Variants in SAMTOR observed in about 807,000 individuals in gnomAD.
The protein encoded by SAMTOR is S-adenosylmethionine sensor upstream of mTORC1, also known as UPF0532 protein C7orf60.
At chr7:112,895,180 A>G in the SAMTOR span, among the ~76,000 whole-genome samples, 733 of 151,690 alleles carry the variant, frequency 4.8e-3, 3 homozygotes, top group Non-Finnish European at 8.6e-3. Flanking sequence ...AGAATTACAT[A>G]TTGTTATATA....
At chr7:112,852,826 T>C in the SAMTOR span, among the ~76,000 whole-genome samples, 2 of 152,078 alleles carry the variant, frequency 1.3e-5, no homozygotes, top group Non-Finnish European at 2.9e-5. Flanking sequence ...GTGTGTCATA[T>C]ATTGAATAAA....
At chr7:112,916,792 T>C in the SAMTOR span, among the ~76,000 whole-genome samples, 4 of 152,296 alleles carry the variant, frequency 2.6e-5, no homozygotes, top group African/African-American at 9.6e-5. Context: ...GGAGATTATA[T>C]CCCACACCTG....
At chr7:112,844,377 AC>A in the SAMTOR span, among the ~76,000 whole-genome samples, 1 of 152,118 alleles carries the variant, frequency 6.6e-6, no homozygotes, top group Non-Finnish European at 1.5e-5. Flanking sequence ...TATTTAGAAA[AC>A]ATCATGGTCT....
At chr7:112,851,929 C>G in the SAMTOR span, among the ~76,000 whole-genome samples, 1 of 152,002 alleles carries the variant, frequency 6.6e-6, no homozygotes, top group African/African-American at 2.4e-5. Flanking sequence ...CATGTGAAAT[C>G]ACAATGAGAT....
chr7:112,861,493 T>C, the SAMTOR span, among the ~76,000 whole-genome samples: 2 of 152,294 alleles, frequency 1.3e-5, no homozygotes, highest in Non-Finnish European at 1.5e-5. Flanking sequence ...AATAGGAGTA[T>C]ACATCATGAC....
At chr7:112,922,830 T>TG in the SAMTOR span, among the ~76,000 whole-genome samples, 3 of 120,510 alleles carry the variant, frequency 2.5e-5, no homozygotes, top group Admixed American at 8.3e-5. Flanking sequence ...GGGAGGGAGG[T>TG]GGGGGGTCAG....
the SAMTOR span, among the ~76,000 whole-genome samples, chr7:112,896,270 G>A: frequency 6.6e-6 from 1 of 151,996 alleles, no homozygotes; most frequent in Non-Finnish European, 1.5e-5. Flanking sequence ...GAGAGCGAGC[G>A]AGCTCATTTT....
chr7:112,877,850 C>A, the SAMTOR span, among the ~76,000 whole-genome samples: 1 of 152,280 alleles, frequency 6.6e-6, no homozygotes, highest in Middle Eastern at 3.4e-3. Context: ...CTGCTTTTAC[C>A]ATGTGACACG....
At chr7:112,926,666 A>C in the SAMTOR span, among the ~76,000 whole-genome samples, 1 of 152,252 alleles carries the variant, frequency 6.6e-6, no homozygotes, top group East Asian at 1.9e-4. Context: ...ACCTGTATAT[A>C]TTTTTCCTTC....
chr7:112,884,302 A>T, the SAMTOR span, among the ~76,000 whole-genome samples: 1 of 152,076 alleles, frequency 6.6e-6, no homozygotes, highest in Non-Finnish European at 1.5e-5. Flanking sequence ...ACATTTCAAG[A>T]CACCATCATG....
At chr7:112,830,494 T>C in the SAMTOR span, among the ~76,000 whole-genome samples, 1 of 152,136 alleles carries the variant, frequency 6.6e-6, no homozygotes, top group Non-Finnish European at 1.5e-5. Context: ...AATATTAAGC[T>C]TAAGGATCAG....
the SAMTOR span, among the ~76,000 whole-genome samples, chr7:112,875,429 C>T: frequency 6.6e-6 from 1 of 152,196 alleles, no homozygotes; most frequent in African/African-American, 2.4e-5. Context: ...TACCTTTTCT[C>T]TTCTTCTAAG....
the SAMTOR span, among the ~76,000 whole-genome samples, chr7:112,927,781 C>T: frequency 2.6e-5 from 4 of 152,028 alleles, no homozygotes; most frequent in African/African-American, 9.7e-5. Context: ...GAACAAAGTT[C>T]ACATTAACAT....
At chr7:112,906,187 C>T in the SAMTOR span, among the ~76,000 whole-genome samples, 4 of 152,138 alleles carry the variant, frequency 2.6e-5, no homozygotes, top group Non-Finnish European at 5.9e-5. Context: ...CCCAAGTATA[C>T]TTAAATCTAG....
the SAMTOR span, among the ~76,000 whole-genome samples, chr7:112,890,123 GA>G: frequency 1.5e-4 from 23 of 152,172 alleles, no homozygotes; most frequent in African/African-American, 5.3e-4. Context: ...GGCTGATGGG[GA>G]GGCTATGTGA....
chr7:112,835,377 G>A, the SAMTOR span, among the ~76,000 whole-genome samples: 1 of 152,106 alleles, frequency 6.6e-6, no homozygotes, highest in Non-Finnish European at 1.5e-5. Context: ...AAGTGGGCAA[G>A]TGGATGGACA....
At chr7:112,861,071 C>T in the SAMTOR span, among the ~76,000 whole-genome samples, 8 of 152,170 alleles carry the variant, frequency 5.3e-5, no homozygotes, top group African/African-American at 1.9e-4. Flanking sequence ...TTTACATTTG[C>T]TCATATCATT....
At chr7:112,902,462 C>CAAAAAAAA in the SAMTOR span, among the ~76,000 whole-genome samples, 65 of 83,662 alleles carry the variant, frequency 7.8e-4, no homozygotes, top group East Asian at 3.0e-3. Context: ...AAAAAAAAAC[C>CAAAAAAAA]AAAAAAGTTG....
the SAMTOR span, among the ~76,000 whole-genome samples, chr7:112,865,548 T>A: frequency 6.6e-6 from 1 of 151,242 alleles, no homozygotes. Context: ...AGTGCTGGGA[T>A]TGCAGGCGTG....
Sources: gnomAD v4.1 joint callset for allele counts (sites outside exome capture counted in the v4.1 genomes callset) on GRCh38, gnomAD v4.1.1 for gene constraint, MANE v1.5 for transcripts, NCBI Gene and HGNC (gene_info 2026-07-23, HGNC 2026-07-21) for gene names.